The following CD28 variants were observed in gnomAD, a reference collection of about 807,000 sequenced individuals.
CD28 encodes T-cell-specific surface glycoprotein CD28.
In CD28, 8 loss-of-function variants were observed where a neutral mutation model predicts 21.4. The ratio of observed to expected loss-of-function variants is 0.37; its 90% CI spans 0.22 to 0.68. CD28 has a LOEUF of 0.68. CD28 is among the 30% of genes least tolerant of loss of function. CD28 has a pLI of 0.55. For synonymous variants in CD28, 106 were observed against 104.0 expected (o/e 1.02, Z -0.12); for missense variants, 239 against 272.2 (o/e 0.88, Z 0.86).
intron 1 of CD28, among the ~76,000 whole-genome samples, chr2:203,718,530 C>T (rs914911526): frequency 6.6e-6 from 1 of 151,978 alleles, no homozygotes; most frequent in African/African-American, 2.4e-5. Context: ...CTGTTCAGTC[C>T]GAATTTTTAA....
intron 3 of CD28, among the ~76,000 whole-genome samples, chr2:203,733,510 A>G (rs1324776086): frequency 2.0e-5 from 3 of 152,126 alleles, no homozygotes; most frequent in Non-Finnish European, 4.4e-5. Context: ...GTCCAGAGAT[A>G]TAAATTTGGG....
At chr2:203,733,804 A>G (rs948319928) in intron 3 of CD28, among the ~76,000 whole-genome samples, 2 of 152,252 alleles carry the variant, frequency 1.3e-5, no homozygotes, top group African/African-American at 4.8e-5. Context: ...AGCTGTGTTT[A>G]GTAACATGGA....
intron 1 of CD28, among the ~76,000 whole-genome samples, chr2:203,725,042 G>A (rs1693703730): frequency 6.6e-6 from 1 of 152,132 alleles, no homozygotes; most frequent in African/African-American, 2.4e-5. Context: ...TGTAATCCCA[G>A]CACTTTGGGA....
chr2:203,731,415 A>G (rs550506118), intron 3 of CD28, among the ~76,000 whole-genome samples: 2 of 152,212 alleles, frequency 1.3e-5, no homozygotes, highest in South Asian at 2.1e-4. Context: ...TGGCTTTTCA[A>G]TCCTCTTATT....
At chr2:203,719,678 G>A (rs1693554223) in intron 1 of CD28, among the ~76,000 whole-genome samples, 1 of 152,192 alleles carries the variant, frequency 6.6e-6, no homozygotes, top group East Asian at 1.9e-4. Flanking sequence ...GCATAAAGAT[G>A]ACTGTCCTGC....
At chr2:203,717,175 T>C (rs958078159) in intron 1 of CD28, among the ~76,000 whole-genome samples, 1 of 152,180 alleles carries the variant, frequency 6.6e-6, no homozygotes, top group Non-Finnish European at 1.5e-5. Context: ...CAGGATTCTA[T>C]TTCTATTTAT....
rs748340851 is a variant in CD28 at position 203,729,786 on chromosome 2, C to T, written c.534+14C>T. On this transcript the variant is annotated intron_variant, in intron 3 of 3. Coordinates refer to ENST00000324106, the MANE Select transcript of CD28 (RefSeq NM_006139.4). ...ATTATTTTCTGGGTAAGAGAAGCAG[C>T]ACTGCTTTTATGTAACTTTTCCACT... is the stretch of plus-strand genomic sequence containing the variant. 2 of 1,610,484 alleles carry T rather than the reference C, an allele frequency of 1.2e-6. No individual in the cohort carries two copies. The highest frequency in any genetic ancestry group is 2.2e-5 in the East Asian group (1 of 44,860).
At chr2:203,720,680 G>A (rs987135577) in intron 1 of CD28, among the ~76,000 whole-genome samples, 2 of 152,158 alleles carry the variant, frequency 1.3e-5, no homozygotes, top group Admixed American at 1.3e-4. Context: ...CTCAGAGACC[G>A]AAAATACATA....
At chr2:203,728,027 G>T (rs1693799471) in intron 2 of CD28, among the ~76,000 whole-genome samples, 1 of 152,152 alleles carries the variant, frequency 6.6e-6, no homozygotes, top group Non-Finnish European at 1.5e-5. Context: ...AGCAAGGATG[G>T]TCTCAATCTC....
At chr2:203,733,351 G>A (rs960551397) in intron 3 of CD28, among the ~76,000 whole-genome samples, 22 of 152,282 alleles carry the variant, frequency 1.4e-4, no homozygotes, top group African/African-American at 5.3e-4. Context: ...AGGTGTCAAG[G>A]ATGAGGTTAG....
chr2:203,725,648 T>C (rs1022538695), intron 1 of CD28, among the ~76,000 whole-genome samples: 1 of 152,226 alleles, frequency 6.6e-6, no homozygotes, highest in African/African-American at 2.4e-5. Context: ...TGATCTTTTA[T>C]TGGGATAGCA....
intron 2 of CD28, among the ~76,000 whole-genome samples, chr2:203,728,385 T>A (rs1693806745): frequency 6.6e-6 from 1 of 152,186 alleles, no homozygotes; most frequent in African/African-American, 2.4e-5. Context: ...AAAGTTTGAT[T>A]TTTTGGTATA....
At position 203,726,661 on chromosome 2, in the gene CD28, C is replaced by A; in HGVS notation, c.81C>A (p.Pro27=). The part of the protein sequence containing the change: ...TGNKILVKQS[P]MLVAYDNAVN... Reference sequence around the variant, plus strand: ...ACAAGATTTTGGTGAAGCAGTCGCCCATGCTTGTAGCGTACGACAATGCGG... The same window carrying A: ...ACAAGATTTTGGTGAAGCAGTCGCCAATGCTTGTAGCGTACGACAATGCGG... Residue 27 remains proline, a synonymous_variant, in exon 2 of 4, where the codon CCC becomes CCA. Coordinates refer to ENST00000324106, the MANE Select transcript of CD28 (RefSeq NM_006139.4). 1 of 1,611,222 alleles carries A rather than the reference C, an allele frequency of 6.2e-7. No homozygotes were observed. Among genetic ancestry groups the A allele is most frequent in the South Asian group, 1.1e-5 (1 of 90,702 alleles).
At chr2:203,710,334 C>A (rs2106108033) in intron 1 of CD28, among the ~76,000 whole-genome samples, 1 of 152,290 alleles carries the variant, frequency 6.6e-6, no homozygotes, top group Non-Finnish European at 1.5e-5. Context: ...TTAAGGCAAC[C>A]ATCCAGCAAG....
intron 2 of CD28, among the ~76,000 whole-genome samples, chr2:203,727,986 A>G (rs910810151): frequency 7.0e-6 from 1 of 143,500 alleles, no homozygotes; most frequent in African/African-American, 2.6e-5. Flanking sequence ...CATTTTTTGT[A>G]CTTTTAGTAG....
chr2:203,719,379 G>A (rs959348897), intron 1 of CD28, among the ~76,000 whole-genome samples: 1 of 152,074 alleles, frequency 6.6e-6, no homozygotes, highest in Non-Finnish European at 1.5e-5. Context: ...AATGTATTTT[G>A]TTCTGGTCCT....
chr2:203,717,531 C>G (rs1193733383), intron 1 of CD28, among the ~76,000 whole-genome samples: 1 of 152,194 alleles, frequency 6.6e-6, no homozygotes, highest in Non-Finnish European at 1.5e-5. Flanking sequence ...GCCAACAGTC[C>G]TTTCATAAAT....
intron 1 of CD28, among the ~76,000 whole-genome samples, chr2:203,719,038 A>G (rs989345367): frequency 6.6e-6 from 1 of 152,220 alleles, no homozygotes; most frequent in Admixed American, 6.5e-5. Flanking sequence ...AATGTTTTGT[A>G]TATGTGCATT....
chr2:203,713,629 T>A (rs1480395823), intron 1 of CD28, among the ~76,000 whole-genome samples: 4 of 151,788 alleles, frequency 2.6e-5, no homozygotes, highest in African/African-American at 9.7e-5. Flanking sequence ...AGAAGGAAGA[T>A]AAGACTTCAC....
Sources: gnomAD v4.1 joint callset for allele counts (sites outside exome capture counted in the v4.1 genomes callset) on GRCh38, gnomAD v4.1.1 for gene constraint, MANE v1.5 for transcripts, NCBI Gene and HGNC (gene_info 2026-07-23, HGNC 2026-07-21) for gene names.